CADM2: variants seen among roughly 807,000 people sequenced by gnomAD.
CADM2 encodes cell adhesion molecule 2.
In CADM2, 12 loss-of-function variants were observed where a neutral mutation model predicts 49.8. The observed-to-expected ratio is 0.24, with a 90% CI of 0.15 to 0.39. CADM2 has a LOEUF of 0.39. Among genes scored for constraint, CADM2 ranks in the 10% least tolerant of loss-of-function variants. CADM2 has a pLI of 1.00. For synonymous variants in CADM2, 214 were observed against 175.4 expected (o/e 1.22, Z -1.74); for missense variants, 378 against 492.3 (o/e 0.77, Z 2.20).
At chr3:85,636,552 C>T (rs1309424032) in intron 1 of CADM2, among the ~76,000 whole-genome samples, 1 of 151,842 alleles carries the variant, frequency 6.6e-6, no homozygotes, top group Non-Finnish European at 1.5e-5. Flanking sequence ...TTAGTGTAGC[C>T]TCAATGTACA....
intron 1 of CADM2, among the ~76,000 whole-genome samples, chr3:85,196,593 G>A (rs994157484): frequency 2.6e-5 from 4 of 151,980 alleles, no homozygotes; most frequent in African/African-American, 9.7e-5. Context: ...TTCTAGAAAA[G>A]ATAAAGCAGA....
intron 8 of CADM2, among the ~76,000 whole-genome samples, chr3:86,035,970 A>G (rs912877624): frequency 6.6e-5 from 10 of 152,054 alleles, no homozygotes; most frequent in Admixed American, 3.9e-4. Context: ...ACAGAGGGAG[A>G]AAACTCTTGT....
chr3:85,833,658 T>C (rs949163846), intron 3 of CADM2, among the ~76,000 whole-genome samples: 3 of 151,722 alleles, frequency 2.0e-5, no homozygotes, highest in Admixed American at 6.6e-5. Context: ...TTGTGTATTC[T>C]TGGTGCCCTT....
At chr3:85,502,700 G>A (rs1024850917) in intron 1 of CADM2, among the ~76,000 whole-genome samples, 1 of 152,056 alleles carries the variant, frequency 6.6e-6, no homozygotes, top group Non-Finnish European at 1.5e-5. Context: ...ATAGCTGCTC[G>A]CATGACAAAT....
intron 8 of CADM2, among the ~76,000 whole-genome samples, chr3:85,972,060 G>A (rs1456992750): frequency 2.0e-5 from 3 of 151,570 alleles, no homozygotes; most frequent in African/African-American, 7.3e-5. Context: ...TGAGGAGGAG[G>A]CGTGTACTGG....
chr3:85,440,081 G>A (rs2037129051), intron 1 of CADM2, among the ~76,000 whole-genome samples: 1 of 152,136 alleles, frequency 6.6e-6, no homozygotes, highest in Admixed American at 6.6e-5. Flanking sequence ...GAGTATCTTA[G>A]AGTAAATGTG....
intron 1 of CADM2, among the ~76,000 whole-genome samples, chr3:85,534,008 C>T (rs2061374051): frequency 6.6e-6 from 1 of 152,122 alleles, no homozygotes; most frequent in Non-Finnish European, 1.5e-5. Context: ...TGCAAAATGA[C>T]ATTATGGTGC....
At chr3:84,983,092 T>C (rs544113397) in intron 1 of CADM2, among the ~76,000 whole-genome samples, 3 of 152,218 alleles carry the variant, frequency 2.0e-5, no homozygotes, top group South Asian at 4.1e-4. Context: ...AAACAGGCTA[T>C]TTATGGAACC....
chr3:84,989,270 A>C (rs1312802220), intron 1 of CADM2, among the ~76,000 whole-genome samples: 1 of 152,120 alleles, frequency 6.6e-6, no homozygotes, highest in East Asian at 1.9e-4. Context: ...TTTAACCTAG[A>C]TTTTGCTTCC....
intron 1 of CADM2, among the ~76,000 whole-genome samples, chr3:85,090,225 T>C (rs1447478599): frequency 1.3e-5 from 2 of 152,152 alleles, no homozygotes; most frequent in Admixed American, 6.5e-5. Flanking sequence ...ATATTAAAAA[T>C]AGTTACAATG....
At chr3:85,293,964 A>G (rs2043877921) in intron 1 of CADM2, among the ~76,000 whole-genome samples, 1 of 152,066 alleles carries the variant, frequency 6.6e-6, no homozygotes, top group Non-Finnish European at 1.5e-5. Context: ...AAAGGAAATG[A>G]AGGGTATTCA....
At chr3:86,024,367 G>A (rs761371469) in intron 8 of CADM2, among the ~76,000 whole-genome samples, 2 of 152,254 alleles carry the variant, frequency 1.3e-5, no homozygotes, top group South Asian at 2.1e-4. Flanking sequence ...ACAAGTAAGC[G>A]AGAATCTCTA....
chr3:85,331,596 G>C (rs1314674256), intron 1 of CADM2, among the ~76,000 whole-genome samples: 1 of 151,762 alleles, frequency 6.6e-6, no homozygotes, highest in Admixed American at 6.6e-5. Flanking sequence ...TTACTTATAA[G>C]AATATTCAGT....
At chr3:86,012,778 C>G in intron 8 of CADM2, 4 of 617,800 alleles carry the variant, frequency 6.5e-6, no homozygotes, top group Non-Finnish European at 1.1e-5. Context: ...AGATCGAGAC[C>G]ATCCTGGCTA....
chr3:85,838,323 C>G (rs529829073), intron 3 of CADM2, among the ~76,000 whole-genome samples: 2 of 151,860 alleles, frequency 1.3e-5, no homozygotes, highest in Non-Finnish European at 2.9e-5. Context: ...ATGTAGGGCC[C>G]TTACTCAAAC....
At chr3:85,869,038 T>A (rs1407933243) in intron 3 of CADM2, among the ~76,000 whole-genome samples, 1 of 152,214 alleles carries the variant, frequency 6.6e-6, no homozygotes. Context: ...TTTTCTGTTT[T>A]TTTGTAGCAA....
chr3:85,426,939 G>C (rs1461561408), intron 1 of CADM2, among the ~76,000 whole-genome samples: 1 of 151,498 alleles, frequency 6.6e-6, no homozygotes, highest in African/African-American at 2.4e-5. Flanking sequence ...GGTGTGCAAT[G>C]GTGTGATCTT....
At chr3:84,990,949 G>A (rs539888171) in intron 1 of CADM2, among the ~76,000 whole-genome samples, 1 of 151,918 alleles carries the variant, frequency 6.6e-6, no homozygotes, top group South Asian at 2.1e-4. Flanking sequence ...ATAATTTATA[G>A]ACCTGTATAA....
At chr3:85,436,765 G>A (rs1162510346) in intron 1 of CADM2, among the ~76,000 whole-genome samples, 1 of 152,158 alleles carries the variant, frequency 6.6e-6, no homozygotes, top group Non-Finnish European at 1.5e-5. Context: ...TGTACTCACT[G>A]CCTTCACACA....
Sources: allele counts gnomAD v4.1 joint callset (sites outside exome capture counted in the v4.1 genomes callset), GRCh38; gene constraint gnomAD v4.1.1; transcripts MANE v1.5; gene names NCBI Gene and HGNC (gene_info 2026-07-23, HGNC 2026-07-21).